KRT86: variants seen among roughly 807,000 people sequenced by gnomAD.
The protein encoded by KRT86 is keratin 86.
KRT86 carries 30 observed loss-of-function variants against 41.2 expected under a neutral mutation model. The observed-to-expected ratio is 0.73, with a 90% CI of 0.54 to 0.99. KRT86 has a LOEUF of 0.99. Among genes scored for constraint, KRT86 ranks in the 50% least tolerant of loss-of-function variants. KRT86 has a pLI of 0.00. For missense variants in KRT86, 561 were observed against 571.4 expected (o/e 0.98, Z 0.19); for synonymous variants, 238 against 238.1 (o/e 1.00, Z 0.00).
intron 2 of KRT86, among the ~76,000 whole-genome samples, chr12:52,284,781 C>T (rs1038966730): frequency 1.1e-4 from 17 of 152,128 alleles, no homozygotes; most frequent in African/African-American, 3.1e-4. Flanking sequence ...AGATTCACTC[C>T]GGCTTAAAGA....
At chr12:52,288,367 A>G (rs1938030363) in intron 2 of KRT86, 1 of 1,613,868 alleles carries the variant, frequency 6.2e-7, no homozygotes, top group Non-Finnish European at 8.5e-7. Context: ...GCACCTCCTC[A>G]TACAGCCGCC....
At chr12:52,288,143 G>A in intron 2 of KRT86, 1 of 1,614,102 alleles carries the variant, frequency 6.2e-7, no homozygotes, top group East Asian at 2.2e-5. Flanking sequence ...GGAGAATGAG[G>A]ATCTCCTGCA....
intron 2 of KRT86, chr12:52,301,670 G>T (rs1452104004): frequency 2.0e-5 from 5 of 246,008 alleles, no homozygotes; most frequent in Non-Finnish European, 3.2e-5. Context: ...CTGCAGTTTA[G>T]GGCAAGAGAT....
At chr12:52,285,362 TA>T (rs55722924) in intron 2 of KRT86, among the ~76,000 whole-genome samples, 121,558 of 148,764 alleles carry the variant, frequency 0.82, 49,503 homozygotes, top group African/African-American at 0.83. Flanking sequence ...TGATGCCATT[TA>T]AAAAAAAAAA....
chr12:52,276,400 CAT>C (rs1942559664), intron 2 of KRT86, among the ~76,000 whole-genome samples: 1 of 152,156 alleles, frequency 6.6e-6, no homozygotes, highest in East Asian at 1.9e-4. Context: ...AGGCCTCTAT[CAT>C]CTCTCTCTTC....
At chr12:52,276,066 T>C (rs1410276484) in intron 2 of KRT86, 120 bp downstream of exon 2, 8 of 959,940 alleles carry the variant, frequency 8.3e-6, no homozygotes, top group Non-Finnish European at 9.9e-6. Flanking sequence ...TCTTAGTGAA[T>C]GTCTAAGCAT....
intron 2 of KRT86, among the ~76,000 whole-genome samples, chr12:52,281,104 C>T (rs909864172): frequency 2.6e-5 from 4 of 152,218 alleles, no homozygotes; most frequent in African/African-American, 9.6e-5. Flanking sequence ...AGAGGCTCCC[C>T]TGGCCATGGG....
At chr12:52,286,793 A>T in intron 2 of KRT86, 1 of 1,614,058 alleles carries the variant, frequency 6.2e-7, no homozygotes, top group South Asian at 1.1e-5. Flanking sequence ...ATACTCACAG[A>T]CATTCACAGC....
intron 2 of KRT86, chr12:52,288,129 G>C (rs769466293): frequency 1.2e-6 from 2 of 1,614,114 alleles, no homozygotes; most frequent in Admixed American, 1.7e-5. Flanking sequence ...TGAGATGTGC[G>C]ACTGGAGAAT....
At position 52,308,159 on chromosome 12, in the gene KRT86, G is replaced by A. The variant is rs576966998; in HGVS notation, c.1248-74G>A. 150 of 1,598,474 alleles carry A rather than the reference G, an allele frequency of 9.4e-5. 1 individual carries two copies. The South Asian group carries it at 1.6e-3, about 17-fold the overall frequency. On this transcript the variant is annotated intron_variant, in intron 9 of 10. Coordinates refer to ENST00000423955, the MANE Select transcript of KRT86 (RefSeq NM_001320198.2). ...AGTGCCCAGATGGAGGGCCACAGATGTCCCCCTCCACTTCAGTCACGGGGG... is the reference window on the plus strand; with the variant it reads ...AGTGCCCAGATGGAGGGCCACAGATATCCCCCTCCACTTCAGTCACGGGGG...
chr12:52,304,901 C>A, intron 5 of KRT86, 31 bp from the exon 6 acceptor site: 2 of 1,610,824 alleles, frequency 1.2e-6, no homozygotes, highest in Non-Finnish European at 1.7e-6. Context: ...TCACCAGGGT[C>A]CTTGAGCTCC....
intron 2 of KRT86, chr12:52,286,547 C>T (rs1391609087): frequency 6.6e-7 from 1 of 1,518,140 alleles, no homozygotes; most frequent in Non-Finnish European, 9.0e-7. Flanking sequence ...ATCCTGCCTT[C>T]CTGACAACCG....
chr12:52,291,235 G>T (rs879276792), intron 2 of KRT86: 5 of 1,494,904 alleles, frequency 3.3e-6, no homozygotes, highest in Non-Finnish European at 4.5e-6. Flanking sequence ...CGGTGGTGAT[G>T]CATGGGGGAC....
chr12:52,287,235 C>A, intron 2 of KRT86: 1 of 1,614,036 alleles, frequency 6.2e-7, no homozygotes, highest in South Asian at 1.1e-5. Context: ...AGGGCGCCCT[C>A]CAGCTCGGCC....
At chr12:52,298,484 T>C (rs955174176) in intron 2 of KRT86, among the ~76,000 whole-genome samples, 1 of 152,278 alleles carries the variant, frequency 6.6e-6, no homozygotes, top group Non-Finnish European at 1.5e-5. Flanking sequence ...CCATCAATGC[T>C]GTTGATACGT....
chr12:52,276,795 C>T (rs1937642253), intron 2 of KRT86, among the ~76,000 whole-genome samples: 1 of 152,214 alleles, frequency 6.6e-6, no homozygotes, highest in Non-Finnish European at 1.5e-5. Flanking sequence ...TCTCTTAACC[C>T]ACCCACCTCC....
chr12:52,291,595 G>T, intron 2 of KRT86: 1 of 1,423,468 alleles, frequency 7.0e-7, no homozygotes, highest in Non-Finnish European at 9.5e-7. Flanking sequence ...TGGCTGTGAA[G>T]ATGATGTTGG....
chr12:52,307,820 T>C (rs748813119), intron 9 of KRT86, among the ~76,000 whole-genome samples: 3 of 152,380 alleles, frequency 2.0e-5, no homozygotes, highest in South Asian at 4.1e-4. Flanking sequence ...AGAAGTTAAA[T>C]CTGCTCCCCT....
chr12:52,299,356 C>T (rs1938320236), intron 2 of KRT86, among the ~76,000 whole-genome samples: 2 of 152,298 alleles, frequency 1.3e-5, no homozygotes, highest in South Asian at 4.1e-4. Flanking sequence ...TTGATGGACA[C>T]TTAGTTTGAT....
Sources: allele counts gnomAD v4.1 joint callset (sites outside exome capture counted in the v4.1 genomes callset), GRCh38; gene constraint gnomAD v4.1.1; transcripts MANE v1.5; gene names NCBI Gene and HGNC (gene_info 2026-07-23, HGNC 2026-07-21).